Variants in CDH13 observed in about 807,000 individuals in gnomAD.
The protein encoded by CDH13 is cadherin-13.
A neutral mutation model predicts 63.8 loss-of-function variants in CDH13; 24 were observed. That is an observed-to-expected ratio of 0.38 (90% confidence interval 0.27 to 0.53). The LOEUF is 0.53. Among genes scored for constraint, CDH13 ranks in the 20% least tolerant of loss-of-function variants. The pLI, the probability that CDH13 is intolerant of heterozygous loss-of-function variation, is 0.85. For synonymous variants in CDH13, 503 were observed against 355.3 expected (o/e 1.42, Z -4.67); for missense variants, 1,049 against 903.1 (o/e 1.16, Z -2.07).
intron 3 of CDH13, among the ~76,000 whole-genome samples, chr16:83,118,671 GCAGAC>G (rs2035424671): frequency 6.6e-6 from 1 of 152,112 alleles, no homozygotes; most frequent in Non-Finnish European, 1.5e-5. Context: ...TTTAGAGAGT[GCAGAC>G]CACTTTCACA....
At chr16:83,293,268 T>C (rs1055992374) in intron 5 of CDH13, among the ~76,000 whole-genome samples, 4 of 152,336 alleles carry the variant, frequency 2.6e-5, no homozygotes, top group South Asian at 4.1e-4. Context: ...TTATTTTTAA[T>C]AGTAAGCATT....
intron 7 of CDH13, among the ~76,000 whole-genome samples, chr16:83,556,701 A>C (rs780127936): frequency 6.6e-6 from 1 of 152,238 alleles, no homozygotes; most frequent in Non-Finnish European, 1.5e-5. Flanking sequence ...CACAACATCA[A>C]GAATGTCACT....
intron 10 of CDH13, among the ~76,000 whole-genome samples, chr16:83,738,433 T>C (rs9933041): frequency 0.22 from 33,882 of 152,176 alleles, 4,163 homozygotes; most frequent in East Asian, 0.55. Context: ...GATTTTAATT[T>C]TTTTCTTTTT....
At chr16:83,329,552 C>G (rs1038236351) in intron 5 of CDH13, among the ~76,000 whole-genome samples, 3 of 152,074 alleles carry the variant, frequency 2.0e-5, no homozygotes, top group African/African-American at 4.8e-5. Context: ...ATGAAAAACA[C>G]ACATAAAATC....
chr16:82,940,931 T>C (rs1904279541), intron 2 of CDH13, among the ~76,000 whole-genome samples: 1 of 152,202 alleles, frequency 6.6e-6, no homozygotes, highest in Non-Finnish European at 1.5e-5. Flanking sequence ...TTTGCAAATG[T>C]GTTTGAATCA....
At chr16:83,068,792 G>A (rs1248359596) in intron 3 of CDH13, among the ~76,000 whole-genome samples, 4 of 152,192 alleles carry the variant, frequency 2.6e-5, no homozygotes, top group Non-Finnish European at 4.4e-5. Context: ...GAGTGCAAGG[G>A]CTGTGGACAC....
chr16:83,386,520 A>T (rs989477047), intron 6 of CDH13, among the ~76,000 whole-genome samples: 2 of 152,218 alleles, frequency 1.3e-5, no homozygotes, highest in African/African-American at 4.8e-5. Flanking sequence ...TTGGTTCAAA[A>T]TAAGTGGGAT....
intron 5 of CDH13, among the ~76,000 whole-genome samples, chr16:83,320,743 G>A (rs1255912958): frequency 6.6e-6 from 1 of 152,200 alleles, no homozygotes; most frequent in Non-Finnish European, 1.5e-5. Flanking sequence ...TTATTAGAGT[G>A]TGTAGACCAA....
At chr16:83,059,703 G>C (rs1339101445) in intron 3 of CDH13, among the ~76,000 whole-genome samples, 1 of 151,430 alleles carries the variant, frequency 6.6e-6, no homozygotes, top group Non-Finnish European at 1.5e-5. Context: ...ATCTGCAATA[G>C]AGCTTAAAGA....
At chr16:83,285,724 G>C (rs900356720) in intron 5 of CDH13, among the ~76,000 whole-genome samples, 4 of 152,106 alleles carry the variant, frequency 2.6e-5, no homozygotes, top group Admixed American at 6.6e-5. Context: ...GGTGTTTGTG[G>C]GGGAGGGATG....
intron 8 of CDH13, among the ~76,000 whole-genome samples, chr16:83,630,909 T>A (rs2150792855): frequency 6.6e-6 from 1 of 152,264 alleles, no homozygotes; most frequent in East Asian, 1.9e-4. Flanking sequence ...CCCTTTAGCT[T>A]AGTAATTGGG....
intron 5 of CDH13, among the ~76,000 whole-genome samples, chr16:83,340,419 A>T (rs559967447): frequency 3.3e-5 from 5 of 152,212 alleles, no homozygotes; most frequent in Admixed American, 2.6e-4. Flanking sequence ...TCCAACAGCC[A>T]CACAGTGAAA....
chr16:83,320,980 CAA>C (rs1466423057), intron 5 of CDH13, among the ~76,000 whole-genome samples: 1 of 152,110 alleles, frequency 6.6e-6, no homozygotes, highest in African/African-American at 2.4e-5. Flanking sequence ...TAAGTAATGA[CAA>C]ATATCTAAAG....
chr16:82,881,121 T>C (rs1267270521), intron 2 of CDH13, among the ~76,000 whole-genome samples: 1 of 152,138 alleles, frequency 6.6e-6, no homozygotes, highest in African/African-American at 2.4e-5. Context: ...TTGTGTAATA[T>C]GTATGGAAAA....
chr16:82,681,746 G>T (rs565324982), intron 1 of CDH13, among the ~76,000 whole-genome samples: 40 of 152,312 alleles, frequency 2.6e-4, no homozygotes, highest in African/African-American at 9.1e-4. Context: ...GCCAAAGCCC[G>T]TGTCCACGCA....
At chr16:82,732,702 T>C (rs1477127351) in intron 1 of CDH13, among the ~76,000 whole-genome samples, 4 of 152,206 alleles carry the variant, frequency 2.6e-5, no homozygotes, top group East Asian at 1.9e-4. Context: ...ACCACAGATA[T>C]CTAACCACTG....
chr16:83,465,268 G>A (rs1050288425), intron 6 of CDH13, among the ~76,000 whole-genome samples: 2 of 152,208 alleles, frequency 1.3e-5, no homozygotes, highest in African/African-American at 4.8e-5. Context: ...GGAGCGAATG[G>A]GCTAGACAGC....
intron 1 of CDH13, among the ~76,000 whole-genome samples, chr16:82,679,365 G>A (rs9922878): frequency 4.6e-5 from 7 of 152,170 alleles, no homozygotes; most frequent in Admixed American, 4.6e-4. Flanking sequence ...GAGCAGGGTA[G>A]CAGGGAGCAA....
chr16:83,095,746 A>T (rs2034160678), intron 3 of CDH13, among the ~76,000 whole-genome samples: 1 of 152,150 alleles, frequency 6.6e-6, no homozygotes, highest in Non-Finnish European at 1.5e-5. Context: ...CAAGTTCATG[A>T]AGTTTTTAAT....
Sources: allele counts gnomAD v4.1 joint callset (sites outside exome capture counted in the v4.1 genomes callset), GRCh38; gene constraint gnomAD v4.1.1; transcripts MANE v1.5; gene names NCBI Gene and HGNC (gene_info 2026-07-23, HGNC 2026-07-21).